The following TOX2 variants were observed in gnomAD, a reference collection of about 807,000 sequenced individuals.
TOX2 encodes granulosa cell HMG box 1.
A neutral mutation model predicts 47.4 loss-of-function variants in TOX2; 15 were observed. The observed-to-expected ratio is 0.32, with a 90% confidence interval of 0.21 to 0.49. The LOEUF is 0.49. Ranked by LOEUF, TOX2 falls within the 20% of genes least tolerant of loss-of-function variation. The probability of loss-of-function intolerance (pLI) is 0.99; values close to 1 mark genes in which losing one functional copy is unlikely to be tolerated. For missense variants in TOX2, 622 were observed against 673.1 expected, an observed-to-expected ratio of 0.92 and a Z score of 0.84; for synonymous variants, 290 against 296.6, an observed-to-expected ratio of 0.98 and a Z score of 0.23.
chr20:44,048,272 A>G (rs1368996000), intron 3 of TOX2, among the ~76,000 whole-genome samples: 2 of 151,368 alleles, frequency 1.3e-5, no homozygotes, highest in Non-Finnish European at 2.9e-5. Flanking sequence ...TTAAAAAGCA[A>G]CGTGTATTCA....
Position 44,001,637 on chromosome 20 carries a change from G to T in TOX2, c.166-4910G>T, listed in dbSNP as rs112171944. ...TGAAGTTTTGTTTTTTGACTGAAAG[G>T]AATGGACTTGAGCAGTCAGTTAGCA... On this transcript the variant is annotated intron_variant, in intron 2 of 8. Coordinates refer to ENST00000341197, the MANE Select transcript of TOX2 (RefSeq NM_001098797.2). 3.2e-3 allele frequency among the ~76,000 whole-genome samples: 486 copies of T among 152,070 alleles called. 4 individuals carry two copies. The highest frequency in any genetic ancestry group is 0.011 in the African/African-American group (454 of 41,354).
At position 43,915,040 on chromosome 20, in the gene TOX2, G is replaced by A; in HGVS notation, c.99+50G>A. 2.7e-6 allele frequency: 3 copies of A among 1,126,250 alleles called. No individual in the cohort carries two copies. The highest frequency in any genetic ancestry group is 4.8e-5 in the Admixed American group (1 of 20,870). 69.8% of individuals were successfully genotyped at this position (1,126,250 alleles called of 1,614,324 possible). A position where few individuals can be genotyped will look rare whatever the true frequency, so the allele number is the denominator to read the frequency against. On this transcript the variant is annotated intron_variant, in intron 1 of 8. Transcript: ENST00000341197. This position sits in a 1 kb window ranked among gnomAD's most constrained non-coding sequence, Gnocchi z 7.1. Reference sequence around the variant, plus strand: ...CCGGCGGGCGGGGCCGGAGTCACCTGGCAGCTCGGGACTCAGGCGCTCCCG... The same window carrying A: ...CCGGCGGGCGGGGCCGGAGTCACCTAGCAGCTCGGGACTCAGGCGCTCCCG...
intron 1 of TOX2, among the ~76,000 whole-genome samples, chr20:43,934,133 T>TA (rs2069291377): frequency 1.6e-5 from 1 of 63,424 alleles, no homozygotes; most frequent in Non-Finnish European, 3.5e-5. Flanking sequence ...GAGCCCAAGG[T>TA]AAGGAGAGAG....
At chr20:43,950,497 C>T (rs569709820) in intron 1 of TOX2, among the ~76,000 whole-genome samples, 2 of 152,136 alleles carry the variant, frequency 1.3e-5, no homozygotes, top group Admixed American at 1.3e-4. Context: ...CTCCCCACTG[C>T]TTGCTCTGCC....
chr20:43,916,076 C>A lies in TOX2; in HGVS notation c.99+1086C>A. 1.0e-6 allele frequency: 1 copy of A among 967,208 alleles called. No individual in the cohort carries two copies. Among genetic ancestry groups the A allele is most frequent in the Non-Finnish European group, 1.2e-6 (1 of 813,246 alleles). 59.9% of individuals were successfully genotyped at this position (967,208 alleles called of 1,614,324 possible). On this transcript the variant is annotated intron_variant, in intron 1 of 8. Coordinates refer to ENST00000341197, the MANE Select transcript of TOX2 (RefSeq NM_001098797.2). This position sits in a 1 kb window ranked among gnomAD's most constrained non-coding sequence, Gnocchi z 5.0. ...TAGGAAGCCAGACTGTCCGCGCGTCCGCCAGTCGGTGCGTCGGTCCCGGGC... is the reference window on the plus strand; with the variant it reads ...TAGGAAGCCAGACTGTCCGCGCGTCAGCCAGTCGGTGCGTCGGTCCCGGGC...
intron 3 of TOX2, among the ~76,000 whole-genome samples, chr20:44,047,371 G>GAA (rs2145737676): frequency 6.6e-6 from 1 of 152,280 alleles, no homozygotes; most frequent in South Asian, 2.1e-4. Flanking sequence ...AAGAAAATGT[G>GAA]AAAATAGCTT....
In TOX2 at chr20:44,006,723, C is replaced by A; in HGVS notation, c.342C>A (p.Asp114Glu). 1 of 1,614,120 alleles carries A rather than the reference C, an allele frequency of 6.2e-7. No homozygotes were observed. Among genetic ancestry groups the A allele is most frequent in the Non-Finnish European group, 8.5e-7 (1 of 1,180,030 alleles). The change falls in exon 3 of 9, where the codon GAC (aspartate) becomes GAA (glutamate). Residue 114 changes from aspartate to glutamate, a missense_variant. Asp to Glu is a conservative substitution (Grantham distance 45). Around this residue, in one of 3 missense-constraint regions of TOX2, gnomAD observed 307 missense variants for 327.3 expected, o/e 0.94. Coordinates refer to ENST00000341197, the MANE Select transcript of TOX2 (RefSeq NM_001098797.2). ...CTGCCTACTCCTATCAGGCCATGGA[C>A]CTCCCAGCCATCATGGTGTCCAACA... ...LLPAYSYQAM[D>E]LPAIMVSNML...
intron 1 of TOX2, among the ~76,000 whole-genome samples, chr20:43,950,683 G>A (rs2069546761): frequency 6.6e-6 from 1 of 151,954 alleles, no homozygotes; most frequent in Admixed American, 6.6e-5. Flanking sequence ...GGCCCACCTT[G>A]ACTGCTCTGT....
At chr20:44,044,617 G>A (rs944173629) in intron 3 of TOX2, among the ~76,000 whole-genome samples, 3 of 152,154 alleles carry the variant, frequency 2.0e-5, no homozygotes, top group African/African-American at 7.2e-5. Flanking sequence ...AAGAGGGAGA[G>A]AGAGAAACGA....
intron 3 of TOX2, among the ~76,000 whole-genome samples, chr20:44,027,108 C>T (rs2071079881): frequency 6.6e-6 from 1 of 152,190 alleles, no homozygotes; most frequent in South Asian, 2.1e-4. Flanking sequence ...TTACAGTTCA[C>T]AACTGTTGCA....
At chr20:43,983,808 G>GT (rs2070213161) in intron 2 of TOX2, among the ~76,000 whole-genome samples, 1 of 152,224 alleles carries the variant, frequency 6.6e-6, no homozygotes, top group Non-Finnish European at 1.5e-5. Context: ...CATTAACTGT[G>GT]TAGGTGGGCA....
chr20:43,956,494 G>A (rs1188234715), intron 1 of TOX2, among the ~76,000 whole-genome samples: 1 of 151,240 alleles, frequency 6.6e-6, no homozygotes, highest in Non-Finnish European at 1.5e-5. Flanking sequence ...CCAGGAGGCC[G>A]AGGTTGCAGT....
At chr20:44,065,675 T>G (rs775464718) in intron 6 of TOX2, 37 bp from the exon 7 acceptor site, 1 of 1,544,410 alleles carries the variant, frequency 6.5e-7, no homozygotes, top group East Asian at 2.3e-5. Context: ...CTCATCCCTC[T>G]TCTGTTCTCC....
chr20:43,981,174 T>C (rs1271756301), intron 2 of TOX2, among the ~76,000 whole-genome samples: 1 of 152,222 alleles, frequency 6.6e-6, no homozygotes, highest in Non-Finnish European at 1.5e-5. Flanking sequence ...ACACACTCGG[T>C]TGGAGTTCTT....
intron 1 of TOX2, among the ~76,000 whole-genome samples, chr20:43,971,042 C>T (rs374717262): frequency 3.3e-4 from 51 of 152,300 alleles, no homozygotes; most frequent in African/African-American, 9.6e-4. Context: ...GGACTCTCCC[C>T]GTCCCTGTGC....
intron 1 of TOX2, among the ~76,000 whole-genome samples, chr20:43,948,041 C>A (rs2069501023): frequency 6.6e-6 from 1 of 152,202 alleles, no homozygotes; most frequent in Admixed American, 6.5e-5. Flanking sequence ...TCAGCCAGAG[C>A]TTCCTTGCCT....
rs2069362715 is a variant in TOX2, at chr20:43,938,758, A to G, written c.99+23768A>G. On this transcript the variant is annotated intron_variant, in intron 1 of 8. Coordinates refer to ENST00000341197, the MANE Select transcript of TOX2 (RefSeq NM_001098797.2). ...CTGGCTTTAGCTGAACTGGAGGCCC[A>G]GCCACCACATGGCAGGCAAAGAGCA... Among the ~76,000 whole-genome samples the G allele has an allele frequency of 2.0e-5, 3 of 152,222 alleles. 1 individual carries two copies. The South Asian group carries it at 6.2e-4, about 31-fold the overall frequency.
In TOX2 at chr20:44,054,919, A is replaced by G. The variant is rs114679321; in HGVS notation, c.879+393A>G. On this transcript the variant is annotated intron_variant, in intron 5 of 8. Coordinates refer to ENST00000341197, the MANE Select transcript of TOX2 (RefSeq NM_001098797.2). ...CTCTAAAGGCCTCCAGGGAGAATAGAGAGCAGAACTAGCTGGTAGGCAAAT... is the reference window on the plus strand; with the variant it reads ...CTCTAAAGGCCTCCAGGGAGAATAGGGAGCAGAACTAGCTGGTAGGCAAAT... Among the ~76,000 whole-genome samples the G allele has an allele frequency of 7.5e-3, 1,142 of 152,322 alleles. 15 individuals carry two copies. The highest frequency in any genetic ancestry group is 0.025 in the African/African-American group (1,029 of 41,564).
At chr20:43,952,171 A>T (rs558925386) in intron 1 of TOX2, among the ~76,000 whole-genome samples, 1 of 151,962 alleles carries the variant, frequency 6.6e-6, no homozygotes, top group Non-Finnish European at 1.5e-5. Context: ...AAAGTGCTGG[A>T]ATTACAGGCG....
Sources: gnomAD v4.1 joint callset for allele counts (sites outside exome capture counted in the v4.1 genomes callset) on GRCh38, gnomAD v4.1.1 for gene constraint, gnomAD v4.1.1 regional missense constraint, Gnocchi (gnomAD v3.1) non-coding constraint, MANE v1.5 for transcripts, NCBI Gene and HGNC (gene_info 2026-07-23, HGNC 2026-07-21) for gene names.